Variants in SMARCA4 observed in about 807,000 individuals in gnomAD.
SMARCA4 encodes SWI/SNF related BAF chromatin remodeling complex subunit ATPase 4.
SMARCA4 carries 31 observed loss-of-function variants against 193.9 expected under a neutral mutation model. The observed-to-expected ratio is 0.16, with a 90% CI of 0.12 to 0.22. The LOEUF (loss-of-function observed/expected upper bound fraction) is 0.22. Ranked by LOEUF, SMARCA4 falls within the 10% of genes least tolerant of loss-of-function variation. SMARCA4 has a pLI of 1.00. For synonymous variants in SMARCA4, 942 were observed against 933.1 expected (o/e 1.01, Z -0.17); for missense variants, 1,148 against 2,296.0 (o/e 0.50, Z 10.22).
intron 7 of SMARCA4, among the ~76,000 whole-genome samples, chr19:10,989,705 CTT>C (rs377263433): frequency 1.3e-4 from 19 of 142,120 alleles, no homozygotes; most frequent in East Asian, 2.0e-4. Flanking sequence ...TTCCCTTTCC[CTT>C]TTTTTTTTTT....
At chr19:11,006,450 T>C (rs1175193641) in intron 13 of SMARCA4, among the ~76,000 whole-genome samples, 2 of 152,186 alleles carry the variant, frequency 1.3e-5, no homozygotes, top group Non-Finnish European at 2.9e-5. Flanking sequence ...ATATTGAAAG[T>C]TGGTTCTAAG....
At chr19:11,059,115 A>G in intron 32 of SMARCA4, 2 of 503,944 alleles carry the variant, frequency 4.0e-6, no homozygotes, top group East Asian at 3.3e-5. Flanking sequence ...TCTTTAAAAA[A>G]AAAAAAGAAA....
rs1440442822 is a variant in SMARCA4 at position 11,010,547 on chromosome 19, G to A, written c.2274+16G>A. On this transcript the variant is annotated intron_variant, in intron 15 of 34. Transcript: ENST00000344626. ...ACAGTACCAGGTGAGGTAGGGGGTGGGGAGGCCACCGCCACGTAGCTGCCT... is the reference window on the plus strand; with the variant it reads ...ACAGTACCAGGTGAGGTAGGGGGTGAGGAGGCCACCGCCACGTAGCTGCCT... The A allele has an allele frequency of 6.2e-7, 1 of 1,612,318 alleles. No homozygotes were observed. The highest frequency in any genetic ancestry group is 1.3e-5 in the African/African-American group (1 of 74,986).
intron 1 of SMARCA4, among the ~76,000 whole-genome samples, chr19:10,983,242 A>G (rs2085710048): frequency 6.6e-6 from 1 of 152,182 alleles, no homozygotes. Flanking sequence ...ATTAGCATCT[A>G]AAGGAAAAGG....
intron 12 of SMARCA4, 34 bp from the exon 13 acceptor site, chr19:11,003,306 C>A (rs776414764): frequency 1.7e-5 from 28 of 1,608,484 alleles, no homozygotes; most frequent in Non-Finnish European, 2.1e-5. Context: ...TGGCTCTGAG[C>A]AGATTTGTAT....
chr19:11,012,630 C>G, intron 15 of SMARCA4: 1 of 399,354 alleles, frequency 2.5e-6, no homozygotes, highest in South Asian at 2.2e-5. Context: ...CAGGTTTTTC[C>G]TGTGTGCTGT....
At chr19:10,964,095 G>A (rs2084025742) in intron 1 of SMARCA4, among the ~76,000 whole-genome samples, 1 of 152,100 alleles carries the variant, frequency 6.6e-6, no homozygotes, top group South Asian at 2.1e-4. Flanking sequence ...TTGTGATATA[G>A]GGCAGTGCAG....
chr19:11,057,362 A>G (rs3786728), intron 30 of SMARCA4, among the ~76,000 whole-genome samples: 27,826 of 152,156 alleles, frequency 0.18, 3,145 homozygotes, highest in Non-Finnish European at 0.25. Flanking sequence ...CTGCCGCTGT[A>G]CCGAGTGCAC....
intron 1 of SMARCA4, among the ~76,000 whole-genome samples, chr19:10,974,868 A>T (rs2084999794): frequency 6.7e-6 from 1 of 149,076 alleles, no homozygotes; most frequent in Admixed American, 6.7e-5. Flanking sequence ...CACCACGCCT[A>T]GCTAACTTTT....
chr19:11,010,649 A>C (rs187160195), intron 15 of SMARCA4, 118 bp downstream of exon 15: 1 of 957,938 alleles, frequency 1.0e-6, no homozygotes, highest in East Asian at 2.4e-5. Context: ...TTTGTGGGCA[A>C]TGCACTCTTC....
chr19:11,041,069 GT>G lies in SMARCA4; in HGVS notation c.4171-232del. ...TTTTGGTCAAGAAATTCAACCATTA[GT>G]TTTTTAAAGACAAGCTTGGGTGGGG... On this transcript the variant is annotated intron_variant, in intron 29 of 34. Coordinates refer to ENST00000344626, the MANE Select transcript of SMARCA4 (RefSeq NM_003072.5). The surrounding 1 kb of genome is among the most constrained non-coding windows in gnomAD (Gnocchi z 5.6). 2 of 537,402 alleles carry G rather than the reference GT, an allele frequency of 3.7e-6. No individual in the cohort carries two copies. The highest frequency in any genetic ancestry group is 5.6e-5 in the South Asian group (2 of 35,746). 33.3% of individuals were successfully genotyped at this position (537,402 alleles called of 1,614,324 possible). A position where few individuals can be genotyped will look rare whatever the true frequency, so the allele number is the denominator to read the frequency against.
rs1328845236 is a variant in SMARCA4, at chr19:10,984,464, G to T, written c.222+91G>T. 1.9e-6 allele frequency: 3 copies of T among 1,547,050 alleles called. No homozygotes were observed. The Admixed American group carries it at 5.9e-5, about 30-fold the overall frequency. On this transcript the variant is annotated intron_variant, in intron 2 of 34. Transcript: ENST00000344626. The surrounding 1 kb of genome is among the most constrained non-coding windows in gnomAD (Gnocchi z 4.3). ...GACCGAGGGCCTTACTTGGAGGATG[G>T]GGGGAAGCCTTCTTGTTGGAGGTGT...
rs368722384 is a variant in SMARCA4, at chr19:10,984,757, G to T, written c.222+384G>T. 6.6e-6 allele frequency among the ~76,000 whole-genome samples: 1 copy of T among 152,236 alleles called. No homozygotes were observed. Among genetic ancestry groups the T allele is most frequent in the African/African-American group, 2.4e-5 (1 of 41,468 alleles). On this transcript the variant is annotated intron_variant, in intron 2 of 34. Transcript: ENST00000344626. This position sits in a 1 kb window ranked among gnomAD's most constrained non-coding sequence, Gnocchi z 4.3. ...GCTGTCAGGCTCACCTGTGCAGCTCGCAGAGCCGAGCAGCGGGTTCCCTTT... is the reference window on the plus strand; with the variant it reads ...GCTGTCAGGCTCACCTGTGCAGCTCTCAGAGCCGAGCAGCGGGTTCCCTTT...
intron 12 of SMARCA4, 60 bp from the exon 13 acceptor site, chr19:11,003,280 G>A (rs2146105230): frequency 6.2e-7 from 1 of 1,605,968 alleles, no homozygotes; most frequent in African/African-American, 1.3e-5. Flanking sequence ...GGTTTGGTAG[G>A]GAAAGTGAAT....
At chr19:11,005,595 T>C (rs951023461) in intron 13 of SMARCA4, among the ~76,000 whole-genome samples, 4 of 152,196 alleles carry the variant, frequency 2.6e-5, no homozygotes, top group Non-Finnish European at 5.9e-5. Flanking sequence ...TGATACGCTT[T>C]TCCCTACCGT....
intron 22 of SMARCA4, 25 bp from the exon 23 acceptor site, chr19:11,026,275 T>C (rs2146514328): frequency 6.2e-7 from 1 of 1,609,594 alleles, no homozygotes; most frequent in South Asian, 1.1e-5. Context: ...TGCCTGTCAC[T>C]GACCCCTCTC....
intron 32 of SMARCA4, 76 bp from the exon 33 acceptor site, chr19:11,059,677 T>C: frequency 6.6e-7 from 1 of 1,504,076 alleles, no homozygotes; most frequent in East Asian, 2.5e-5. Flanking sequence ...GGGCTGGGGC[T>C]GGGGCTGGGG....
chr19:11,005,634 A>T (rs778226161), intron 13 of SMARCA4, among the ~76,000 whole-genome samples: 101 of 152,112 alleles, frequency 6.6e-4, no homozygotes, highest in Non-Finnish European at 1.3e-3. Context: ...TAGCAGTGCC[A>T]CTGGCTGTGG....
intron 1 of SMARCA4, among the ~76,000 whole-genome samples, chr19:10,962,821 G>A (rs1166764456): frequency 6.6e-6 from 1 of 152,168 alleles, no homozygotes; most frequent in Non-Finnish European, 1.5e-5. Context: ...AGGACTACAT[G>A]TGTGAGCCAC....
Sources: allele counts gnomAD v4.1 joint callset (sites outside exome capture counted in the v4.1 genomes callset), GRCh38; gene constraint gnomAD v4.1.1; non-coding constraint Gnocchi (gnomAD v3.1); transcripts MANE v1.5; gene names NCBI Gene and HGNC (gene_info 2026-07-23, HGNC 2026-07-21).